DPP10: variants seen among roughly 807,000 people sequenced by gnomAD.
DPP10 encodes dipeptidyl peptidase like 10, also known as inactive dipeptidyl peptidase 10.
A neutral mutation model predicts 120.9 loss-of-function variants in DPP10; 33 were observed. The ratio of observed to expected loss-of-function variants is 0.27; its 90% confidence interval spans 0.21 to 0.37. The LOEUF (loss-of-function observed/expected upper bound fraction) is 0.37. DPP10 is among the 10% of genes least tolerant of loss of function. DPP10 has a pLI of 1.00. For missense variants in DPP10, 816 were observed against 942.8 expected (o/e 0.87, Z 1.76); for synonymous variants, 337 against 326.1 (o/e 1.03, Z -0.36).
At chr2:114,776,548 T>C (rs1292973438) in intron 1 of DPP10, among the ~76,000 whole-genome samples, 1 of 152,140 alleles carries the variant, frequency 6.6e-6, no homozygotes, top group Non-Finnish European at 1.5e-5. Context: ...CTGCCAGTAG[T>C]GTGATGAATT....
intron 1 of DPP10, among the ~76,000 whole-genome samples, chr2:114,451,728 G>A (rs139734424): frequency 5.9e-4 from 90 of 152,174 alleles, no homozygotes; most frequent in East Asian, 3.1e-3. Flanking sequence ...GTACTCTGAC[G>A]GCAAAGCTTA....
rs1353733853 is a variant in DPP10, at chr2:115,309,920, G to A, written c.175+567G>A. Among the ~76,000 whole-genome samples the A allele has an allele frequency of 2.6e-5, 4 of 152,014 alleles. No homozygotes were observed. The East Asian group carries it at 7.7e-4, about 29-fold the overall frequency. On this transcript the variant is annotated intron_variant, in intron 2 of 25. Transcript: ENST00000410059. The stretch of plus-strand genomic sequence containing the variant: ...GCCCCTGCAATGATTTTTGGACTGT[G>A]TTCTTCAGATTAAAGAGTTTAATAC...
At chr2:115,415,060 C>A (rs1699034411) in intron 3 of DPP10, among the ~76,000 whole-genome samples, 1 of 152,152 alleles carries the variant, frequency 6.6e-6, no homozygotes, top group African/African-American at 2.4e-5. Context: ...TTATTCTGTT[C>A]TTTAACTATC....
At chr2:114,568,438 G>T (rs995621700) in intron 1 of DPP10, among the ~76,000 whole-genome samples, 1 of 152,220 alleles carries the variant, frequency 6.6e-6, no homozygotes, top group South Asian at 2.1e-4. Context: ...ATGCTTGAAC[G>T]AAGTACACAG....
chr2:114,443,819 T>G (rs1677794716), intron 1 of DPP10, among the ~76,000 whole-genome samples: 1 of 152,148 alleles, frequency 6.6e-6, no homozygotes, highest in Non-Finnish European at 1.5e-5. Flanking sequence ...TAAGCCTGAC[T>G]TTTTATGATT....
At chr2:114,921,157 G>A (rs1052210497) in intron 1 of DPP10, among the ~76,000 whole-genome samples, 1 of 152,214 alleles carries the variant, frequency 6.6e-6, no homozygotes, top group Non-Finnish European at 1.5e-5. Context: ...AAATGGAAAT[G>A]TTGGCTTAAG....
At chr2:114,865,441 A>G (rs1690147265) in intron 1 of DPP10, among the ~76,000 whole-genome samples, 1 of 152,240 alleles carries the variant, frequency 6.6e-6, no homozygotes, top group Admixed American at 6.5e-5. Flanking sequence ...ATCTATTACA[A>G]AGCCTGACTG....
chr2:114,509,754 G>A (rs1197040076), intron 1 of DPP10, among the ~76,000 whole-genome samples: 1 of 152,180 alleles, frequency 6.6e-6, no homozygotes, highest in Non-Finnish European at 1.5e-5. Flanking sequence ...GATATTTGAA[G>A]GAAGTCATTT....
chr2:115,546,281 C>G (rs1455500950), intron 5 of DPP10, among the ~76,000 whole-genome samples: 2 of 152,072 alleles, frequency 1.3e-5, no homozygotes, highest in African/African-American at 4.8e-5. Flanking sequence ...AATTATTTAT[C>G]AAGCTCTGTT....
At chr2:115,279,130 G>A (rs1400535042) in intron 1 of DPP10, among the ~76,000 whole-genome samples, 1 of 152,134 alleles carries the variant, frequency 6.6e-6, no homozygotes, top group African/African-American at 2.4e-5. Flanking sequence ...CCTTTAGGAA[G>A]CATGTAAACT....
chr2:114,736,910 T>C (rs1241920800), intron 1 of DPP10, among the ~76,000 whole-genome samples: 2 of 152,220 alleles, frequency 1.3e-5, no homozygotes, highest in Non-Finnish European at 2.9e-5. Context: ...GTTTTTTAAC[T>C]GCTAAATATT....
chr2:115,594,228 C>A (rs977256902), intron 5 of DPP10, among the ~76,000 whole-genome samples: 1 of 152,100 alleles, frequency 6.6e-6, no homozygotes, highest in Non-Finnish European at 1.5e-5. Flanking sequence ...CTATTTATGT[C>A]CTGTTAAAAA....
chr2:115,482,559 A>G (rs530572779), intron 3 of DPP10, among the ~76,000 whole-genome samples: 2 of 152,096 alleles, frequency 1.3e-5, no homozygotes, highest in South Asian at 4.1e-4. Flanking sequence ...GTCTCTAGCA[A>G]TCACTAATCT....
chr2:114,800,964 G>T (rs144884960), intron 1 of DPP10, among the ~76,000 whole-genome samples: 1 of 151,508 alleles, frequency 6.6e-6, no homozygotes, highest in African/African-American at 2.4e-5. Context: ...ACATCTTTAC[G>T]AAAGGTACAG....
intron 5 of DPP10, among the ~76,000 whole-genome samples, chr2:115,646,069 C>T (rs556233300): frequency 1.3e-4 from 20 of 152,250 alleles, no homozygotes; most frequent in Admixed American, 2.6e-4. Flanking sequence ...CACACACGCA[C>T]ATGCACATAC....
At chr2:115,253,785 C>T (rs558090566) in intron 1 of DPP10, among the ~76,000 whole-genome samples, 171 of 152,320 alleles carry the variant, frequency 1.1e-3, no homozygotes, top group African/African-American at 3.9e-3. Flanking sequence ...GGTGTTTTTC[C>T]AAGTGCAGGA....
chr2:114,839,803 A>T (rs1359313590), intron 1 of DPP10, among the ~76,000 whole-genome samples: 1 of 152,204 alleles, frequency 6.6e-6, no homozygotes, highest in African/African-American at 2.4e-5. Context: ...TTTATAGTAG[A>T]TATTTCAAAG....
At chr2:114,499,362 C>T (rs555613248) in intron 1 of DPP10, among the ~76,000 whole-genome samples, 137 of 151,788 alleles carry the variant, frequency 9.0e-4, no homozygotes, top group Non-Finnish European at 1.6e-3. Flanking sequence ...CCCTTCCTCT[C>T]CCTGGATGAA....
chr2:115,055,494 A>G (rs1222305580), intron 1 of DPP10, among the ~76,000 whole-genome samples: 2 of 152,214 alleles, frequency 1.3e-5, no homozygotes, highest in Non-Finnish European at 2.9e-5. Flanking sequence ...AACCACTTAA[A>G]CAGGTCACTT....
Sources: gnomAD v4.1 joint callset for allele counts (sites outside exome capture counted in the v4.1 genomes callset) on GRCh38, gnomAD v4.1.1 for gene constraint, MANE v1.5 for transcripts, NCBI Gene and HGNC (gene_info 2026-07-23, HGNC 2026-07-21) for gene names.